The following AFTPH variants were observed in gnomAD, a reference collection of about 807,000 sequenced individuals.
AFTPH encodes aftiphilin protein.
AFTPH carries 7 observed loss-of-function variants against 72.5 expected under a neutral mutation model. The observed-to-expected ratio is 0.10, with a 90% confidence interval of 0.05 to 0.18. The LOEUF is 0.18. AFTPH is among the 10% of genes least tolerant of loss of function. The pLI is 1.00. For missense variants in AFTPH, 979 were observed against 1,060.5 expected, an observed-to-expected ratio of 0.92 and a Z score of 1.07; for synonymous variants, 337 against 370.1, an observed-to-expected ratio of 0.91 and a Z score of 1.03.
chr2:64,555,241 A>G (rs1483129794), intron 2 of AFTPH, among the ~76,000 whole-genome samples: 1 of 152,196 alleles, frequency 6.6e-6, no homozygotes, highest in Non-Finnish European at 1.5e-5. Context: ...AAAATAAAAC[A>G]AACTATAGAT....
chr2:64,581,405 CTGT>C (rs1196310183), intron 7 of AFTPH, 132 bp downstream of exon 8: 6 of 700,274 alleles, frequency 8.6e-6, no homozygotes, highest in Admixed American at 7.9e-5. Flanking sequence ...TTTCTTTCAT[CTGT>C]TGTTATTTTC....
chr2:64,548,906 A>G (rs920671765), intron 1 of AFTPH, among the ~76,000 whole-genome samples: 12 of 152,196 alleles, frequency 7.9e-5, no homozygotes, highest in Non-Finnish European at 1.6e-4. Context: ...TTTGAAGTAG[A>G]TATATTACAA....
chr2:64,538,122 A>T (rs56314230), intron 1 of AFTPH, among the ~76,000 whole-genome samples: 2,083 of 152,042 alleles, frequency 0.014, 30 homozygotes, highest in African/African-American at 0.037. Context: ...TTTTTTTTTT[A>T]AAATGTATGT....
At chr2:64,583,309 G>T (rs1268698505) in intron 7 of AFTPH, among the ~76,000 whole-genome samples, 2 of 127,806 alleles carry the variant, frequency 1.6e-5, no homozygotes, top group Non-Finnish European at 1.7e-5. Flanking sequence ...CCTCATTAAG[G>T]CTCTGTTAAA....
intron 1 of AFTPH, among the ~76,000 whole-genome samples, chr2:64,550,723 ACACACAC>A (rs1443347912): frequency 1.4e-5 from 2 of 147,160 alleles, no homozygotes; most frequent in Admixed American, 6.7e-5. Flanking sequence ...ACACACACAC[ACACACAC>A]AACTGGTGAA....
intron 5 of AFTPH, among the ~76,000 whole-genome samples, chr2:64,570,964 A>G (rs1294459331): frequency 1.7e-5 from 2 of 118,228 alleles, no homozygotes; most frequent in African/African-American, 6.7e-5. Context: ...GTCAGCTCAT[A>G]CCTATGGCTA....
At chr2:64,525,776 A>G (rs13011728) in intron 1 of AFTPH, among the ~76,000 whole-genome samples, 41,215 of 152,150 alleles carry the variant, frequency 0.27, 5,689 homozygotes, top group African/African-American at 0.3. Flanking sequence ...ACCAGTTTAA[A>G]TGTTGGCTTT....
chr2:64,533,284 A>C (rs1669724979), intron 1 of AFTPH, among the ~76,000 whole-genome samples: 1 of 152,150 alleles, frequency 6.6e-6, no homozygotes, highest in Non-Finnish European at 1.5e-5. Flanking sequence ...CTGTAGTCCC[A>C]GCTACTCAGG....
At chr2:64,565,148 T>C (rs1365832330) in intron 2 of AFTPH, among the ~76,000 whole-genome samples, 3 of 151,948 alleles carry the variant, frequency 2.0e-5, no homozygotes, top group Non-Finnish European at 2.9e-5. Context: ...TGGAAATTGA[T>C]ACACTTTTAA....
rs754253636 is a variant in AFTPH at position 64,552,920 on chromosome 2, G to A, written c.1446G>A (p.Gly482=). ...CAGGTGATGACTTTGGAGAATTTGG[G>A]GATATAAATGCTGTTTCTTGCCAAG... is the stretch of plus-strand genomic sequence containing the variant. The change falls in exon 2 of 9, where the codon GGG becomes GGA. Residue 482 remains glycine, a synonymous_variant. Coordinates refer to ENST00000238856, the Ensembl canonical transcript of AFTPH. 6.2e-6 allele frequency: 10 copies of A among 1,614,006 alleles called. No individual in the cohort carries two copies. In the South Asian group the frequency reaches 1.1e-4, roughly 18 times the overall value.
intron 2 of AFTPH, among the ~76,000 whole-genome samples, chr2:64,567,025 A>G (rs1402000334): frequency 6.6e-6 from 1 of 152,232 alleles, no homozygotes; most frequent in Non-Finnish European, 1.5e-5. Context: ...AGCAGCAAAG[A>G]TATTTCCAAA....
At chr2:64,582,378 T>C (rs1237488052) in intron 7 of AFTPH, among the ~76,000 whole-genome samples, 2 of 152,182 alleles carry the variant, frequency 1.3e-5, no homozygotes, top group African/African-American at 4.8e-5. Context: ...GATCTGGTTA[T>C]GCAAATCTGA....
At chr2:64,568,514 T>C (rs1672227009) in intron 3 of AFTPH, among the ~76,000 whole-genome samples, 1 of 152,234 alleles carries the variant, frequency 6.6e-6, no homozygotes, top group Admixed American at 6.5e-5. Flanking sequence ...TATCCTCCAA[T>C]AGCCTTCTGA....
intron 6 of AFTPH, among the ~76,000 whole-genome samples, chr2:64,577,354 C>T (rs1672887045): frequency 6.6e-6 from 1 of 152,088 alleles, no homozygotes; most frequent in African/African-American, 2.4e-5. Flanking sequence ...TCACCTTTTT[C>T]ATTTCCGTTA....
chr2:64,544,319 A>G (rs1445646081), intron 1 of AFTPH, among the ~76,000 whole-genome samples: 2 of 152,192 alleles, frequency 1.3e-5, no homozygotes, highest in Non-Finnish European at 2.9e-5. Flanking sequence ...CTGTTTTTGT[A>G]TACAGTGGCT....
chr2:64,554,076 G>A (rs1293761915), intron 2 of AFTPH, among the ~76,000 whole-genome samples: 3 of 152,116 alleles, frequency 2.0e-5, no homozygotes, highest in African/African-American at 2.4e-5. Flanking sequence ...AATAACTATA[G>A]GTTCACTTAT....
rs746490747 is a variant in AFTPH, at chr2:64,573,079, CTA to C, written c.2394+15_2394+16del. ...TCTGATCAGTTCCAGGTAAAAATAT[CTA>C]TATGTGTATAAATATGTTTATGCGT... On this transcript the variant is annotated intron_variant, in intron 6 of 8. Transcript: ENST00000238856. 5.6e-6 allele frequency: 9 copies of C among 1,606,762 alleles called. No individual in the cohort carries two copies. Among genetic ancestry groups the C allele is most frequent in the Admixed American group, 1.7e-5 (1 of 59,952 alleles).
chr2:64,524,383 A>T, exon 1 of AFTPH: 1 of 403,962 alleles, frequency 2.5e-6, no homozygotes, highest in Non-Finnish European at 4.4e-6. Flanking sequence ...GAGGAGGTGG[A>T]GGAGGCGGCG....
At chr2:64,573,442 A>G (rs1672568440) in intron 6 of AFTPH, among the ~76,000 whole-genome samples, 1 of 151,556 alleles carries the variant, frequency 6.6e-6, no homozygotes, top group Non-Finnish European at 1.5e-5. Context: ...TAAAAAAAAA[A>G]AAAAAGAAAA....
Sources: allele counts gnomAD v4.1 joint callset (sites outside exome capture counted in the v4.1 genomes callset), GRCh38; gene constraint gnomAD v4.1.1; transcripts MANE v1.5; gene names NCBI Gene and HGNC (gene_info 2026-07-23, HGNC 2026-07-21).